The following NAA38 variants were observed in gnomAD, a reference collection of about 807,000 sequenced individuals.
NAA38 encodes the protein N-alpha-acetyltransferase 38, NatC auxiliary subunit, also known as LSM domain containing 1.
A neutral mutation model predicts 12.6 loss-of-function variants in NAA38; 15 were observed. The observed-to-expected ratio is 1.19, with a 90% confidence interval of 0.79 to 1.83. NAA38 has a LOEUF of 1.83. NAA38 is among the 40% of genes most tolerant of loss of function. NAA38 has a pLI of 0.00. For missense variants in NAA38, 183 were observed against 171.7 expected (o/e 1.07, Z -0.37); for synonymous variants, 88 against 69.9 (o/e 1.26, Z -1.29).
upstream of NAA38, chr17:7,858,458 G>C: frequency 6.2e-7 from 1 of 1,614,218 alleles, no homozygotes; most frequent in Non-Finnish European, 8.5e-7. Flanking sequence ...TCAGCCACTG[G>C]TTTGATCCAA....
chr17:7,862,722 A>G (rs1272959941), upstream of NAA38: 1 of 151,144 alleles, frequency 6.6e-6, no homozygotes, highest in Admixed American at 6.6e-5. Context: ...CTGGGCAACA[A>G]GAACGAAACT....
chr17:7,872,195 T>G (rs1421860343), intron 2 of NAA38, among the ~76,000 whole-genome samples: 1 of 152,214 alleles, frequency 6.6e-6, no homozygotes, highest in Non-Finnish European at 1.5e-5. Flanking sequence ...AAATTTAGTT[T>G]CATTGAGTTA....
At chr17:7,864,743 CAA>C (rs920424741) in intron 3 of NAA38, 1 of 151,920 alleles carries the variant, frequency 6.6e-6, no homozygotes, top group Admixed American at 6.6e-5. Context: ...ACTAAAAATA[CAA>C]AAATTAGCCA....
At chr17:7,870,709 C>T (rs556015015) in intron 2 of NAA38, among the ~76,000 whole-genome samples, 40 of 151,886 alleles carry the variant, frequency 2.6e-4, no homozygotes, top group Admixed American at 5.2e-4. Flanking sequence ...TGGTGAAACC[C>T]GGTCTCTACT....
At chr17:7,874,044 G>T (rs866366309) in intron 2 of NAA38, among the ~76,000 whole-genome samples, 20 of 152,188 alleles carry the variant, frequency 1.3e-4, no homozygotes, top group African/African-American at 4.6e-4. Flanking sequence ...GTGATACAAG[G>T]CCAGGGGTTT....
intron 2 of NAA38, among the ~76,000 whole-genome samples, chr17:7,881,543 C>T (rs1441709631): frequency 6.6e-6 from 1 of 151,624 alleles, no homozygotes; most frequent in Non-Finnish European, 1.5e-5. Context: ...GGGAGAGAGA[C>T]TATCCTCATT....
intron 1 of NAA38, chr17:7,885,044 C>T: frequency 9.1e-7 from 1 of 1,093,960 alleles, no homozygotes; most frequent in Non-Finnish European, 1.1e-6. Context: ...GCCGCCGCCG[C>T]CGCCACCGCT....
At chr17:7,857,792 C>G (rs1281185106), upstream of NAA38, 4 of 1,298,332 alleles carry the variant, frequency 3.1e-6, no homozygotes, top group African/African-American at 4.4e-5. Context: ...GAGAGATAGT[C>G]TGTCCTAAAT....
At chr17:7,878,951 A>T (rs948779119) in intron 2 of NAA38, among the ~76,000 whole-genome samples, 2 of 151,082 alleles carry the variant, frequency 1.3e-5, no homozygotes, top group Non-Finnish European at 2.9e-5. Flanking sequence ...GTTTAATAAT[A>T]TGTAACATAA....
intron 2 of NAA38, among the ~76,000 whole-genome samples, chr17:7,878,606 A>G (rs1967217005): frequency 6.6e-6 from 1 of 152,084 alleles, no homozygotes; most frequent in Non-Finnish European, 1.5e-5. Flanking sequence ...CGCGCCTGTA[A>G]TCCCAGCTAC....
upstream of NAA38, chr17:7,858,014 T>C (rs1197588602): frequency 7.2e-6 from 11 of 1,526,124 alleles, no homozygotes; most frequent in African/African-American, 4.1e-5. Flanking sequence ...ATGGTTTCCA[T>C]GTCAGCGGAT....
chr17:7,856,758 C>G lies in NAA38; in HGVS notation c.351G>C (p.Glu117Asp). The G allele has an allele frequency of 6.2e-7, 1 of 1,614,066 alleles. No individual in the cohort carries two copies. The highest frequency in any genetic ancestry group is 8.5e-7 in the Non-Finnish European group (1 of 1,180,014). ...HHIVSIEVQR[E>D]SLTGPPYL ...AGAGATACGGAGGCCCGGTCAGACTCTCCCTCTGCACCTCAATGGAAACGA... is the reference window on the plus strand; with the variant it reads ...AGAGATACGGAGGCCCGGTCAGACTGTCCCTCTGCACCTCAATGGAAACGA... The change falls in exon 3 of 3, where the codon GAG (glutamate) becomes GAC (aspartate). Residue 117 changes from glutamate to aspartate, a missense_variant. Glu to Asp is a conservative substitution (Grantham distance 45, BLOSUM62 2). Transcript: ENST00000575771.
upstream of NAA38, chr17:7,885,346 A>G (rs537864700): frequency 7.9e-3 from 979 of 123,466 alleles, 9 homozygotes; most frequent in African/African-American, 0.024. Flanking sequence ...CGCCGCCGCC[A>G]CCCCGGCTGG....
At chr17:7,873,722 A>G (rs1967126077) in intron 2 of NAA38, among the ~76,000 whole-genome samples, 1 of 152,178 alleles carries the variant, frequency 6.6e-6, no homozygotes, top group Non-Finnish European at 1.5e-5. Flanking sequence ...GGACAGGAGG[A>G]CAGGATAAAA....
At chr17:7,858,437 A>T (rs1348461822), upstream of NAA38, 33 of 1,614,098 alleles carry the variant, frequency 2.0e-5, no homozygotes, top group Non-Finnish European at 2.7e-5. Context: ...TGGAAGTTGC[A>T]GGCCAGGATA....
At chr17:7,867,752 C>G (rs1937516802) in intron 2 of NAA38, among the ~76,000 whole-genome samples, 1 of 152,188 alleles carries the variant, frequency 6.6e-6, no homozygotes, top group Admixed American at 6.5e-5. Flanking sequence ...GAGAGACCTG[C>G]CCTAATGCAG....
intron 2 of NAA38, chr17:7,877,092 G>T (rs1214722947): frequency 5.3e-6 from 2 of 375,082 alleles, no homozygotes; most frequent in South Asian, 2.0e-5. Context: ...TTTCTTTAGA[G>T]AAGTCATACT....
chr17:7,856,758 C>T lies in NAA38; in HGVS notation c.351G>A (p.Glu117=). 2 of 1,614,066 alleles carry T rather than the reference C, an allele frequency of 1.2e-6. No homozygotes were observed. Among genetic ancestry groups the T allele is most frequent in the Non-Finnish European group, 1.7e-6 (2 of 1,180,014 alleles). The change falls in exon 3 of 3, where the codon GAG becomes GAA. Residue 117 remains glutamate, a synonymous_variant. Transcript: ENST00000575771. ...AGAGATACGGAGGCCCGGTCAGACT[C>T]TCCCTCTGCACCTCAATGGAAACGA... ...HHIVSIEVQR[E]SLTGPPYL is the part of the protein sequence containing the mutation.
chr17:7,877,729 AAC>A (rs1967200783), intron 2 of NAA38, among the ~76,000 whole-genome samples: 1 of 152,224 alleles, frequency 6.6e-6, no homozygotes, highest in African/African-American at 2.4e-5. Flanking sequence ...TTATAAGTAT[AAC>A]ACATACTATT....
Sources: allele counts gnomAD v4.1 joint callset (sites outside exome capture counted in the v4.1 genomes callset), GRCh38; gene constraint gnomAD v4.1.1; transcripts MANE v1.5; gene names NCBI Gene and HGNC (gene_info 2026-07-23, HGNC 2026-07-21).